CACNA1C: variants seen among roughly 807,000 people sequenced by gnomAD.
The protein encoded by CACNA1C is calcium voltage-gated channel subunit alpha1 C.
A neutral mutation model predicts 229.0 loss-of-function variants in CACNA1C; 30 were observed. The ratio of observed to expected loss-of-function variants is 0.13; its 90% CI spans 0.10 to 0.18. CACNA1C has a LOEUF of 0.18. Ranked by LOEUF, CACNA1C falls within the 10% of genes least tolerant of loss-of-function variation. The pLI is 1.00. For synonymous variants in CACNA1C, 1,114 were observed against 1,132.5 expected (o/e 0.98, Z 0.33); for missense variants, 1,658 against 2,845.0 (o/e 0.58, Z 9.49).
chr12:2,030,425 C>A (rs2048035186), intron 1 of CACNA1C, among the ~76,000 whole-genome samples: 1 of 151,590 alleles, frequency 6.6e-6, no homozygotes. Context: ...CTCTCATAAA[C>A]CAAGACCTTC....
chr12:2,527,775 A>G (rs1423066566), intron 9 of CACNA1C, among the ~76,000 whole-genome samples: 1 of 152,194 alleles, frequency 6.6e-6, no homozygotes, highest in Non-Finnish European at 1.5e-5. Flanking sequence ...TGCTGTCCCC[A>G]CAGGGGAGAG....
At chr12:2,644,130 C>T (rs1219648382) in intron 30 of CACNA1C, among the ~76,000 whole-genome samples, 2 of 152,218 alleles carry the variant, frequency 1.3e-5, no homozygotes, top group Non-Finnish European at 2.9e-5. Context: ...ACTCACACTC[C>T]CATGACATTA....
rs971298703 is a variant in CACNA1C, at chr12:2,602,436, G to A, written c.2960+476G>A. The stretch of plus-strand genomic sequence containing the variant: ...ATATATGTCTGTGTAAGTGTGGGGT[G>A]TATGTGTGCACGTGTGTGGATGTGT... On this transcript the variant is annotated intron_variant, in intron 22 of 46. Transcript: ENST00000399655. This position sits in a 1 kb window ranked among gnomAD's most constrained non-coding sequence, Gnocchi z 4.4. 1.3e-5 allele frequency among the ~76,000 whole-genome samples: 2 copies of A among 152,068 alleles called. No homozygotes were observed. Among genetic ancestry groups the A allele is most frequent in the African/African-American group, 4.8e-5 (2 of 41,386 alleles).
chr12:2,252,709 C>T (rs886519190), intron 3 of CACNA1C, among the ~76,000 whole-genome samples: 4 of 152,170 alleles, frequency 2.6e-5, no homozygotes, highest in African/African-American at 9.7e-5. Context: ...TGTGCGGGGA[C>T]AGCTGTATGT....
chr12:2,169,786 G>A (rs2096400347), intron 3 of CACNA1C, among the ~76,000 whole-genome samples: 1 of 152,114 alleles, frequency 6.6e-6, no homozygotes, highest in Non-Finnish European at 1.5e-5. Flanking sequence ...CCTTGACTCC[G>A]GGCCTGAAGT....
chr12:2,478,265 A>AC (rs1396720955), intron 5 of CACNA1C, among the ~76,000 whole-genome samples: 2 of 152,036 alleles, frequency 1.3e-5, no homozygotes, highest in Non-Finnish European at 2.9e-5. Flanking sequence ...ACTGAGGATA[A>AC]CCCCCATGCA....
intron 39 of CACNA1C, chr12:2,675,979 G>A (rs559689198): frequency 2.0e-5 from 3 of 152,306 alleles, no homozygotes; most frequent in East Asian, 3.9e-4. Flanking sequence ...TGGGCTAAGC[G>A]AAAATCTCGC....
intron 1 of CACNA1C, among the ~76,000 whole-genome samples, chr12:2,083,911 A>G (rs2066601065): frequency 6.6e-6 from 1 of 152,244 alleles, no homozygotes; most frequent in South Asian, 2.1e-4. Context: ...CTGGGAATAA[A>G]ACACTGAATA....
At chr12:2,247,408 A>G (rs2073810023) in intron 3 of CACNA1C, among the ~76,000 whole-genome samples, 2 of 152,198 alleles carry the variant, frequency 1.3e-5, no homozygotes, top group South Asian at 2.1e-4. Context: ...CTAAATTTGC[A>G]TGTGACAAAA....
rs1050617054 is a variant in CACNA1C at position 2,029,955 on chromosome 12, T to C, written c.139+58754T>C. 6.6e-6 allele frequency among the ~76,000 whole-genome samples: 1 copy of C among 152,216 alleles called. No homozygotes were observed. Among genetic ancestry groups the C allele is most frequent in the Admixed American group, 6.5e-5 (1 of 15,276 alleles). On this transcript the variant is annotated intron_variant, in intron 1 of 46. Transcript: ENST00000682462. The surrounding 1 kb of genome is among the most constrained non-coding windows in gnomAD (Gnocchi z 4.9). ...GCTGGGCGATTTGGCCCCACCATGA[T>C]ACCTGGGTGTTGCACAGAGCCCACA...
intron 3 of CACNA1C, among the ~76,000 whole-genome samples, chr12:2,143,710 C>T (rs373679560): frequency 2.0e-5 from 3 of 150,980 alleles, no homozygotes; most frequent in African/African-American, 7.3e-5. Flanking sequence ...AGAATGTATC[C>T]CTGTCATCAG....
At position 2,029,616 on chromosome 12, in the gene CACNA1C, A is replaced by G. The variant is rs1193471967; in HGVS notation, c.139+58415A>G. ...ATAAATCAATATTTCATTCCTTTTT[A>G]TGGCTTTTACGTTGCACTTTGGTTA... On this transcript the variant is annotated intron_variant, in intron 1 of 46. Transcript: ENST00000682462. The surrounding 1 kb of genome is among the most constrained non-coding windows in gnomAD (Gnocchi z 4.9). 6.6e-6 allele frequency among the ~76,000 whole-genome samples: 1 copy of G among 152,036 alleles called. No homozygotes were observed. The highest frequency in any genetic ancestry group is 1.9e-4 in the East Asian group (1 of 5,194).
intron 9 of CACNA1C, among the ~76,000 whole-genome samples, chr12:2,548,505 G>A (rs1004979489): frequency 1.4e-4 from 22 of 152,240 alleles, no homozygotes; most frequent in South Asian, 1.2e-3. Context: ...CCTCTCCTGC[G>A]GAGTGAGGAG....
chr12:1,983,359 T>C (rs1404900975), intron 1 of CACNA1C, among the ~76,000 whole-genome samples: 1 of 152,060 alleles, frequency 6.6e-6, no homozygotes, highest in Non-Finnish European at 1.5e-5. Flanking sequence ...TTTCTTCTTT[T>C]CCAATACAAG....
At chr12:2,257,603 T>C (rs2078466002) in intron 3 of CACNA1C, among the ~76,000 whole-genome samples, 1 of 152,240 alleles carries the variant, frequency 6.6e-6, no homozygotes, top group Non-Finnish European at 1.5e-5. Flanking sequence ...CATCTCCTGC[T>C]GTGCAGCCTG....
chr12:2,146,284 G>T (rs540470592), intron 3 of CACNA1C, among the ~76,000 whole-genome samples: 1 of 151,076 alleles, frequency 6.6e-6, no homozygotes. Flanking sequence ...ATCTCTCCGC[G>T]CCTTTCTGGC....
intron 3 of CACNA1C, among the ~76,000 whole-genome samples, chr12:2,256,383 T>G (rs772481502): frequency 6.6e-6 from 1 of 152,238 alleles, no homozygotes; most frequent in African/African-American, 2.4e-5. Context: ...AGCCTGTGTC[T>G]ACGTTGCTAG....
At chr12:2,576,810 C>T (rs1315297890) in intron 13 of CACNA1C, among the ~76,000 whole-genome samples, 1 of 152,144 alleles carries the variant, frequency 6.6e-6, no homozygotes, top group Non-Finnish European at 1.5e-5. Context: ...AAATCCCATC[C>T]ATATCAGTGA....
At chr12:2,324,345 T>G (rs1447676895) in intron 3 of CACNA1C, among the ~76,000 whole-genome samples, 1 of 152,208 alleles carries the variant, frequency 6.6e-6, no homozygotes, top group Non-Finnish European at 1.5e-5. Flanking sequence ...AGATTTTGGA[T>G]TTTTTGTCAT....
Sources: gnomAD v4.1 joint callset for allele counts (sites outside exome capture counted in the v4.1 genomes callset) on GRCh38, gnomAD v4.1.1 for gene constraint, Gnocchi (gnomAD v3.1) non-coding constraint, MANE v1.5 for transcripts, NCBI Gene and HGNC (gene_info 2026-07-23, HGNC 2026-07-21) for gene names.